The following ATXN7L1 variants were observed in gnomAD, a reference collection of about 807,000 sequenced individuals.
ATXN7L1 encodes the protein ataxin 7 like 1, also known as ataxin-7-like protein 1.
ATXN7L1 carries 15 observed loss-of-function variants against 70.8 expected under a neutral mutation model. That is an observed-to-expected ratio of 0.21 (90% CI 0.14 to 0.33). The LOEUF is 0.33. Among genes scored for constraint, ATXN7L1 ranks in the 10% least tolerant of loss-of-function variants. ATXN7L1 has a pLI of 1.00. For missense variants in ATXN7L1, 975 were observed against 1,097.1 expected, an observed-to-expected ratio of 0.89 and a Z score of 1.57; for synonymous variants, 440 against 445.1, an observed-to-expected ratio of 0.99 and a Z score of 0.14.
At chr7:105,822,937 C>A (rs146928372) in intron 2 of ATXN7L1, among the ~76,000 whole-genome samples, 2 of 152,048 alleles carry the variant, frequency 1.3e-5, no homozygotes, top group Non-Finnish European at 2.9e-5. Context: ...GACTAGTATG[C>A]GCATGTAATT....
At chr7:105,741,551 G>C (rs943317746) in intron 3 of ATXN7L1, among the ~76,000 whole-genome samples, 4 of 152,190 alleles carry the variant, frequency 2.6e-5, no homozygotes, top group African/African-American at 9.7e-5. Context: ...CGTGTGGAAG[G>C]TGAGTGGGAT....
chr7:105,679,710 A>G (rs994949633), intron 3 of ATXN7L1, among the ~76,000 whole-genome samples: 3 of 152,134 alleles, frequency 2.0e-5, no homozygotes, highest in African/African-American at 7.2e-5. Flanking sequence ...CACACGTTAT[A>G]TGAAATGTCC....
At chr7:105,689,636 C>T (rs1274925007) in intron 3 of ATXN7L1, among the ~76,000 whole-genome samples, 1 of 152,186 alleles carries the variant, frequency 6.6e-6, no homozygotes, top group African/African-American at 2.4e-5. Flanking sequence ...CCTCCCGGTC[C>T]CAACCAGACA....
At chr7:105,631,543 T>C (rs1026110851) in intron 7 of ATXN7L1, among the ~76,000 whole-genome samples, 1 of 152,228 alleles carries the variant, frequency 6.6e-6, no homozygotes, top group Non-Finnish European at 1.5e-5. Context: ...CTCGGCTCAT[T>C]GCAATCTTTG....
chr7:105,822,486 C>T (rs1810307186), intron 2 of ATXN7L1, among the ~76,000 whole-genome samples: 1 of 152,100 alleles, frequency 6.6e-6, no homozygotes, highest in Non-Finnish European at 1.5e-5. Context: ...TTATGACCTG[C>T]AGGAAGGATA....
chr7:105,680,904 A>C (rs1805461737), intron 3 of ATXN7L1, among the ~76,000 whole-genome samples: 1 of 152,204 alleles, frequency 6.6e-6, no homozygotes, highest in African/African-American at 2.4e-5. Flanking sequence ...CTCCCAGAGC[A>C]ATCTGGACCT....
rs1046657811 is a variant in ATXN7L1 at position 105,629,216 on chromosome 7, G to T, written c.1203-4949C>A. On this transcript the variant is annotated intron_variant, in intron 7 of 11. Coordinates refer to ENST00000419735, the MANE Select transcript of ATXN7L1 (RefSeq NM_020725.2). ...ACTAGAGTCACCATGCTGGAGATTA[G>T]ATCCCTTGAATGTATTCATCTTGTA... 1.1e-4 allele frequency among the ~76,000 whole-genome samples: 16 copies of T among 152,178 alleles called. No individual in the cohort carries two copies. In the East Asian group the frequency reaches 3.1e-3, roughly 29 times the overall value.
At chr7:105,863,338 C>T (rs554149501) in intron 2 of ATXN7L1, among the ~76,000 whole-genome samples, 1 of 152,350 alleles carries the variant, frequency 6.6e-6, no homozygotes, top group East Asian at 1.9e-4. Context: ...TGGGGAGACC[C>T]AGGGCCCTAT....
In ATXN7L1 at chr7:105,614,403, T is replaced by G; in HGVS notation, c.1931A>C (p.Lys644Thr). The change falls in exon 10 of 12, where the codon AAA becomes ACA. Residue 644 changes from lysine to threonine, a missense_variant. Coordinates refer to ENST00000419735, the MANE Select transcript of ATXN7L1 (RefSeq NM_020725.2). The surrounding 1 kb of genome is among the most constrained non-coding windows in gnomAD (Gnocchi z 4.3). The part of the protein sequence containing the change: ...TRSDESPSNK[K>T]RKPQSSTSSS... ...GGAAGTCGAAGACTGTGGCTTCCTT[T>G]TTTTGTTACTTGGAGACTCGTCGCT... The G allele has an allele frequency of 6.4e-7, 1 of 1,551,892 alleles. No individual in the cohort carries two copies. The highest frequency in any genetic ancestry group is 2.4e-5 in the East Asian group (1 of 40,918).
intron 2 of ATXN7L1, among the ~76,000 whole-genome samples, chr7:105,870,681 T>C (rs1453071307): frequency 6.6e-6 from 1 of 152,210 alleles, no homozygotes; most frequent in Non-Finnish European, 1.5e-5. Flanking sequence ...TCTAAATCAC[T>C]GAGAGCTTTT....
intron 3 of ATXN7L1, among the ~76,000 whole-genome samples, chr7:105,776,990 G>C (rs1441930665): frequency 6.6e-6 from 1 of 152,072 alleles, no homozygotes; most frequent in African/African-American, 2.4e-5. Flanking sequence ...GGCTGGTCTG[G>C]AACTCTTGAC....
At chr7:105,656,508 T>C (rs1800657849) in intron 4 of ATXN7L1, among the ~76,000 whole-genome samples, 1 of 151,716 alleles carries the variant, frequency 6.6e-6, no homozygotes, top group South Asian at 2.1e-4. Flanking sequence ...GTGGGTGCTG[T>C]CAGGCAGTTC....
chr7:105,638,753 T>C lies in ATXN7L1; in HGVS notation c.946-144A>G, dbSNP rs1227807451. The stretch of plus-strand genomic sequence containing the variant: ...CTTCAAGGCAACAGCTCCTGTTCTG[T>C]GGCTAGGAAGAGGCAGAGACCACAC... On this transcript the variant is annotated intron_variant, in intron 6 of 11. Coordinates refer to ENST00000419735, the MANE Select transcript of ATXN7L1 (RefSeq NM_020725.2). 6.3e-6 allele frequency: 7 copies of C among 1,118,156 alleles called. No homozygotes were observed. The African/African-American group carries it at 7.9e-5, about 13-fold the overall frequency. The allele number at this position is 1,118,156 out of a possible 1,614,324, so 69.3% of individuals were successfully genotyped here.
At chr7:105,761,635 A>G (rs1311343515) in intron 3 of ATXN7L1, among the ~76,000 whole-genome samples, 1 of 152,060 alleles carries the variant, frequency 6.6e-6, no homozygotes, top group Non-Finnish European at 1.5e-5. Context: ...GTATGTCCCA[A>G]TTTTTCCATT....
At chr7:105,698,960 A>G (rs944168951) in intron 3 of ATXN7L1, among the ~76,000 whole-genome samples, 3 of 152,244 alleles carry the variant, frequency 2.0e-5, no homozygotes, top group Non-Finnish European at 2.9e-5. Context: ...TGGAAAGTGA[A>G]TATCTTTATA....
intron 7 of ATXN7L1, among the ~76,000 whole-genome samples, chr7:105,637,742 T>C (rs554314616): frequency 2.0e-5 from 3 of 152,320 alleles, no homozygotes; most frequent in Non-Finnish European, 4.4e-5. Flanking sequence ...GACAACCACA[T>C]AGAACCCCAA....
At chr7:105,628,779 C>T (rs919541122) in intron 7 of ATXN7L1, among the ~76,000 whole-genome samples, 5 of 148,866 alleles carry the variant, frequency 3.4e-5, no homozygotes, top group African/African-American at 4.9e-5. Context: ...GGCCACAGAG[C>T]GAGACTCCAT....
intron 3 of ATXN7L1, among the ~76,000 whole-genome samples, chr7:105,773,462 G>T (rs148273785): frequency 6.6e-5 from 10 of 152,274 alleles, no homozygotes; most frequent in African/African-American, 2.4e-4. Flanking sequence ...CTGGGAAAAG[G>T]TGCTATTTAA....
chr7:105,721,292 C>G (rs1795153373), intron 3 of ATXN7L1, among the ~76,000 whole-genome samples: 1 of 152,144 alleles, frequency 6.6e-6, no homozygotes, highest in Non-Finnish European at 1.5e-5. Context: ...TGGTTTCCAG[C>G]TTCCCTTGAG....
Sources: gnomAD v4.1 joint callset for allele counts (sites outside exome capture counted in the v4.1 genomes callset) on GRCh38, gnomAD v4.1.1 for gene constraint, Gnocchi (gnomAD v3.1) non-coding constraint, MANE v1.5 for transcripts, NCBI Gene and HGNC (gene_info 2026-07-23, HGNC 2026-07-21) for gene names.